The following NTM variants were observed in gnomAD, a reference collection of about 807,000 sequenced individuals.
NTM encodes the protein IgLON family member 2.
A neutral mutation model predicts 42.1 loss-of-function variants in NTM; 13 were observed. That is an observed-to-expected ratio of 0.31 (90% CI 0.20 to 0.49). The LOEUF is 0.49. Ranked by LOEUF, NTM falls within the 20% of genes least tolerant of loss-of-function variation. NTM has a pLI of 0.99. For synonymous variants in NTM, 187 were observed against 179.2 expected, an observed-to-expected ratio of 1.04 and a Z score of -0.35; for missense variants, 373 against 452.8, an observed-to-expected ratio of 0.82 and a Z score of 1.60.
intron 1 of NTM, among the ~76,000 whole-genome samples, chr11:131,451,195 C>G (rs1291457331): frequency 6.6e-6 from 1 of 152,020 alleles, no homozygotes; most frequent in Non-Finnish European, 1.5e-5. Context: ...ACTTATGGAC[C>G]ACCAACTCTA....
chr11:131,993,989 T>C (rs1200957549), intron 2 of NTM, among the ~76,000 whole-genome samples: 1 of 134,858 alleles, frequency 7.4e-6, no homozygotes, highest in Non-Finnish European at 1.5e-5. Context: ...GGCCACAAGA[T>C]TGAAACTCCA....
intron 3 of NTM, among the ~76,000 whole-genome samples, chr11:132,186,093 G>A (rs1283542647): frequency 2.6e-5 from 4 of 152,136 alleles, no homozygotes; most frequent in South Asian, 2.1e-4. Context: ...CCAGGCTTTC[G>A]GGAAGCCCAC....
At chr11:131,604,321 TG>T (rs2060741617) in intron 1 of NTM, among the ~76,000 whole-genome samples, 1 of 152,220 alleles carries the variant, frequency 6.6e-6, no homozygotes, top group African/African-American at 2.4e-5. Context: ...TGTATGTATT[TG>T]TATAACTTTG....
At chr11:132,134,704 G>GGT (rs200668358) in intron 2 of NTM, among the ~76,000 whole-genome samples, 4,543 of 16,328 alleles carry the variant, frequency 0.28, 1,389 homozygotes, top group Non-Finnish European at 0.37. Flanking sequence ...AGTATTCCAT[G>GGT]GTATATATAT....
At chr11:132,093,396 C>T (rs76765076) in intron 2 of NTM, among the ~76,000 whole-genome samples, 3,837 of 152,304 alleles carry the variant, frequency 0.025, 72 homozygotes, top group Middle Eastern at 0.1. Flanking sequence ...AGAGACTCAG[C>T]TTAGCAGCTT....
chr11:131,440,816 T>TAAAAAAAAAAA (rs55915027), intron 1 of NTM, among the ~76,000 whole-genome samples: 12 of 42,922 alleles, frequency 2.8e-4, no homozygotes, highest in African/African-American at 1.0e-3. Flanking sequence ...ACAGCCTCCA[T>TAAAAAAAAAAA]AAAAAAAAAA....
At chr11:131,873,019 T>C (rs1403331735) in intron 1 of NTM, among the ~76,000 whole-genome samples, 1 of 152,206 alleles carries the variant, frequency 6.6e-6, no homozygotes, top group Non-Finnish European at 1.5e-5. Context: ...GTGTCCTGAC[T>C]TTTTAATGAT....
intron 1 of NTM, among the ~76,000 whole-genome samples, chr11:131,595,910 T>C (rs1292158552): frequency 6.6e-6 from 1 of 152,248 alleles, no homozygotes; most frequent in Non-Finnish European, 1.5e-5. Context: ...CAGGGGTTCT[T>C]GTCAACAGGA....
At chr11:131,858,581 G>C (rs1819136274) in intron 1 of NTM, among the ~76,000 whole-genome samples, 2 of 152,156 alleles carry the variant, frequency 1.3e-5, no homozygotes, top group African/African-American at 4.8e-5. Context: ...TATAAAATCG[G>C]ATGGTAAGTT....
chr11:132,072,043 C>T (rs2057748796), intron 2 of NTM, among the ~76,000 whole-genome samples: 1 of 152,138 alleles, frequency 6.6e-6, no homozygotes, highest in African/African-American at 2.4e-5. Flanking sequence ...CCAAAGTCTA[C>T]TGGTATGTTT....
At chr11:131,661,097 T>C in intron 1 of NTM, 2 of 1,222,812 alleles carry the variant, frequency 1.6e-6, no homozygotes. Context: ...GGTGGGGGGG[T>C]CTTCCCCCTA....
At chr11:131,449,871 A>G (rs1456834245) in intron 1 of NTM, among the ~76,000 whole-genome samples, 2 of 152,034 alleles carry the variant, frequency 1.3e-5, no homozygotes, top group African/African-American at 4.8e-5. Context: ...CCAGATGAAA[A>G]CTGGGTGAGT....
intron 4 of NTM, among the ~76,000 whole-genome samples, chr11:132,287,625 C>G (rs923075520): frequency 6.6e-6 from 1 of 152,164 alleles, no homozygotes; most frequent in Non-Finnish European, 1.5e-5. Context: ...GAGTCAAGTA[C>G]AAATGAATCA....
chr11:131,831,030 T>G (rs1481600739), intron 1 of NTM, among the ~76,000 whole-genome samples: 2 of 152,200 alleles, frequency 1.3e-5, no homozygotes, highest in African/African-American at 4.8e-5. Context: ...TTCCGAAACT[T>G]TACTGAAGTC....
chr11:131,960,033 A>G (rs1343083129), intron 2 of NTM, among the ~76,000 whole-genome samples: 2 of 152,172 alleles, frequency 1.3e-5, no homozygotes, highest in Non-Finnish European at 2.9e-5. Context: ...ATCCATAACA[A>G]TCCTGGCCAG....
chr11:132,245,052 G>A (rs1167608852), intron 4 of NTM, among the ~76,000 whole-genome samples: 3 of 152,170 alleles, frequency 2.0e-5, no homozygotes, highest in Admixed American at 6.5e-5. Flanking sequence ...CCAATTCGCC[G>A]TGAAATGTTC....
At chr11:131,949,975 C>A (rs1182587369) in intron 2 of NTM, among the ~76,000 whole-genome samples, 5 of 152,110 alleles carry the variant, frequency 3.3e-5, no homozygotes, top group Non-Finnish European at 5.9e-5. Context: ...TTTTCCTTAC[C>A]AAAATGAAGG....
At chr11:131,841,406 C>T (rs570195477) in intron 1 of NTM, among the ~76,000 whole-genome samples, 14 of 152,266 alleles carry the variant, frequency 9.2e-5, no homozygotes, top group Admixed American at 3.9e-4. Context: ...AGAGCTACAA[C>T]GGCAAATAAG....
chr11:132,267,124 C>T (rs1359254429), intron 4 of NTM, among the ~76,000 whole-genome samples: 1 of 152,166 alleles, frequency 6.6e-6, no homozygotes, highest in Non-Finnish European at 1.5e-5. Context: ...GCTGTACTCC[C>T]TTTCCCTGGA....
Sources: gnomAD v4.1 joint callset for allele counts (sites outside exome capture counted in the v4.1 genomes callset) on GRCh38, gnomAD v4.1.1 for gene constraint, MANE v1.5 for transcripts, NCBI Gene and HGNC (gene_info 2026-07-23, HGNC 2026-07-21) for gene names.